LRRC3B: variants seen among roughly 807,000 people sequenced by gnomAD.
LRRC3B encodes leucine-rich repeat-containing protein 3B.
A neutral mutation model predicts 12.8 loss-of-function variants in LRRC3B; 2 were observed. The ratio of observed to expected loss-of-function variants is 0.16; its 90% CI spans 0.06 to 0.49. The LOEUF (loss-of-function observed/expected upper bound fraction) is 0.49. Ranked by LOEUF, LRRC3B falls within the 20% of genes least tolerant of loss-of-function variation. LRRC3B has a pLI of 0.96. For missense variants in LRRC3B, 189 were observed against 319.4 expected (o/e 0.59, Z 3.11); for synonymous variants, 132 against 122.0 (o/e 1.08, Z -0.54).
intron 1 of LRRC3B, among the ~76,000 whole-genome samples, chr3:26,706,949 T>C (rs1700605032): frequency 6.6e-6 from 1 of 152,200 alleles, no homozygotes; most frequent in East Asian, 1.9e-4. Flanking sequence ...ATATAACATA[T>C]TTATTTAGTC....
At chr3:26,688,710 C>T (rs568475608) in intron 1 of LRRC3B, among the ~76,000 whole-genome samples, 1 of 152,232 alleles carries the variant, frequency 6.6e-6, no homozygotes, top group Non-Finnish European at 1.5e-5. Flanking sequence ...CACGAAAGAT[C>T]CTCCCCCGTG....
At chr3:26,704,941 T>C (rs868001654) in intron 1 of LRRC3B, among the ~76,000 whole-genome samples, 37 of 152,208 alleles carry the variant, frequency 2.4e-4, no homozygotes, top group African/African-American at 7.0e-4. Context: ...TTTAATCAAA[T>C]TCTGCTGTTT....
chr3:26,689,322 T>G (rs1700145422), intron 1 of LRRC3B, among the ~76,000 whole-genome samples: 1 of 152,198 alleles, frequency 6.6e-6, no homozygotes, highest in Admixed American at 6.5e-5. Context: ...TTTCTCAAAC[T>G]TGTAGGCCAG....
At chr3:26,693,836 A>C (rs886379007) in intron 1 of LRRC3B, among the ~76,000 whole-genome samples, 10 of 152,228 alleles carry the variant, frequency 6.6e-5, no homozygotes, top group African/African-American at 2.4e-4. Flanking sequence ...ATCTTTTCAA[A>C]AAGAAAAGTG....
intron 1 of LRRC3B, among the ~76,000 whole-genome samples, chr3:26,673,566 C>T (rs1699796618): frequency 6.6e-6 from 1 of 152,158 alleles, no homozygotes; most frequent in African/African-American, 2.4e-5. Context: ...TTTTATACGT[C>T]TTCTTTGCCT....
At chr3:26,685,511 CTCTCTCTCTCTCTATATATATATA>C (rs1462160965) in intron 1 of LRRC3B, among the ~76,000 whole-genome samples, 4 of 52,118 alleles carry the variant, frequency 7.7e-5, no homozygotes, top group Admixed American at 2.4e-4. Flanking sequence ...CTCTCTCTCT[CTCTCTCTCTCTCTATATATATATA>C]TATATATATA....
chr3:26,636,926 CT>C (rs1559350302), intron 1 of LRRC3B, among the ~76,000 whole-genome samples: 1 of 81,640 alleles, frequency 1.2e-5, no homozygotes, highest in Non-Finnish European at 2.1e-5. Flanking sequence ...CTCTTTCTTT[CT>C]TTCTTTCTTT....
intron 1 of LRRC3B, among the ~76,000 whole-genome samples, chr3:26,685,513 CTCTCTCTCTCTATATATATATA>C (rs1453378435): frequency 8.3e-4 from 44 of 53,284 alleles, no homozygotes; most frequent in African/African-American, 2.9e-3. Flanking sequence ...CTCTCTCTCT[CTCTCTCTCTCTATATATATATA>C]TATATATATA....
chr3:26,653,870 G>A (rs1333226340), intron 1 of LRRC3B, among the ~76,000 whole-genome samples: 1 of 152,154 alleles, frequency 6.6e-6, no homozygotes. Flanking sequence ...CACCTAATAA[G>A]TGACATTTAG....
In LRRC3B at chr3:26,691,105, GTA is replaced by G. The variant is rs1553605090; in HGVS notation, c.-160-18380_-160-18379del. On this transcript the variant is annotated intron_variant, in intron 1 of 1. Coordinates refer to ENST00000396641, the Ensembl canonical transcript of LRRC3B. ...TGTGTGTGTATATGTGTGTGTGTGT[GTA>G]TATATATATATATATATATATATAT... Among the ~76,000 whole-genome samples the G allele has an allele frequency of 3.6e-3, 308 of 84,808 alleles. 7 individuals carry two copies. The highest frequency in any genetic ancestry group is 7.0e-3 in the African/African-American group (154 of 21,862). The allele number at this position is 84,808 out of a possible 152,430, so 55.6% of individuals were successfully genotyped here.
At chr3:26,684,265 T>A (rs1700028564) in intron 1 of LRRC3B, among the ~76,000 whole-genome samples, 1 of 152,226 alleles carries the variant, frequency 6.6e-6, no homozygotes, top group Admixed American at 6.5e-5. Context: ...ATCCCACTGG[T>A]TCCCACTGAA....
At position 26,636,958 on chromosome 3, in the gene LRRC3B, CTTTCTTTCTT is replaced by C. The variant is rs1559350387; in HGVS notation, c.-161+13723_-161+13732del. On this transcript the variant is annotated intron_variant, in intron 1 of 1. Coordinates refer to ENST00000396641, the Ensembl canonical transcript of LRRC3B. ...TCTTTCTTTCTTTCTTTCTTTCTTTCTTTCTTTCTTTCTTTCTCTCTCTCTCTTTCTCTCT... is the reference window on the plus strand; with the variant it reads ...TCTTTCTTTCTTTCTTTCTTTCTTTCTCTTTCTCTCTCTCTCTTTCTCTCT... Among the ~76,000 whole-genome samples the C allele has an allele frequency of 9.2e-4, 115 of 125,258 alleles. 3 individuals carry two copies. The East Asian group carries it at 0.018, about 20-fold the overall frequency. 82.2% of individuals were successfully genotyped at this position (125,258 alleles called of 152,430 possible). A position where few individuals can be genotyped will look rare whatever the true frequency, so the allele number is the denominator to read the frequency against.
chr3:26,640,426 TAAAA>T (rs10707193), intron 1 of LRRC3B, among the ~76,000 whole-genome samples: 4,907 of 140,192 alleles, frequency 0.035, 157 homozygotes, highest in East Asian at 0.13. Context: ...CCTTATAAAC[TAAAA>T]AAAAAAAAAA....
At chr3:26,693,601 T>C (rs545262022) in intron 1 of LRRC3B, among the ~76,000 whole-genome samples, 6 of 152,292 alleles carry the variant, frequency 3.9e-5, no homozygotes, top group Non-Finnish European at 8.8e-5. Context: ...GCGAAATAGA[T>C]ATTATCATGC....
intron 1 of LRRC3B, among the ~76,000 whole-genome samples, chr3:26,673,769 C>G (rs1699801597): frequency 2.0e-5 from 3 of 152,166 alleles, no homozygotes; most frequent in Admixed American, 2.0e-4. Flanking sequence ...GCCTCCTCCA[C>G]TGAAACAGGA....
At chr3:26,700,627 G>C (rs1700429970) in intron 1 of LRRC3B, among the ~76,000 whole-genome samples, 6 of 152,166 alleles carry the variant, frequency 3.9e-5, no homozygotes, top group Admixed American at 3.9e-4. Context: ...GATAATTTTA[G>C]AGCTTTTGAC....
intron 1 of LRRC3B, among the ~76,000 whole-genome samples, chr3:26,637,313 A>G (rs1017626389): frequency 3.3e-5 from 5 of 152,220 alleles, no homozygotes; most frequent in African/African-American, 1.2e-4. Context: ...ACTGGTTTCT[A>G]GAAAAATTAG....
At chr3:26,708,795 C>A (rs1022155221) in intron 1 of LRRC3B, among the ~76,000 whole-genome samples, 2 of 152,024 alleles carry the variant, frequency 1.3e-5, no homozygotes, top group Non-Finnish European at 2.9e-5. Flanking sequence ...ATAAAAAAGT[C>A]ATGGAGGTGT....
At chr3:26,692,648 T>G (rs1700215947) in intron 1 of LRRC3B, among the ~76,000 whole-genome samples, 1 of 152,222 alleles carries the variant, frequency 6.6e-6, no homozygotes, top group South Asian at 2.1e-4. Flanking sequence ...TGTTAGTTGT[T>G]AGTGTATATG....
Sources: gnomAD v4.1 joint callset for allele counts (sites outside exome capture counted in the v4.1 genomes callset) on GRCh38, gnomAD v4.1.1 for gene constraint, MANE v1.5 for transcripts, NCBI Gene and HGNC (gene_info 2026-07-23, HGNC 2026-07-21) for gene names.